Variants in DTNA observed in about 807,000 individuals in gnomAD.
The protein encoded by DTNA is dystrophin-related protein 3.
Under a neutral mutation model 100.7 loss-of-function variants are expected in DTNA, and 43 were observed. The observed-to-expected ratio is 0.43, with a 90% confidence interval of 0.33 to 0.55. The LOEUF is 0.55. Among genes scored for constraint, DTNA ranks in the 20% least tolerant of loss-of-function variants. The pLI is 0.04. For synonymous variants in DTNA, 349 were observed against 347.9 expected (o/e 1.00, Z -0.04); for missense variants, 798 against 953.9 (o/e 0.84, Z 2.15).
chr18:34,637,100 C>T (rs1361186888), intron 1 of DTNA, among the ~76,000 whole-genome samples: 1 of 152,100 alleles, frequency 6.6e-6, no homozygotes, highest in Non-Finnish European at 1.5e-5. Context: ...TTATATAATA[C>T]CTTGCTTGCG....
chr18:34,514,551 A>G (rs2041405650), intron 1 of DTNA, among the ~76,000 whole-genome samples: 2 of 152,146 alleles, frequency 1.3e-5, no homozygotes, highest in Non-Finnish European at 2.9e-5. Context: ...GAAATGGGGT[A>G]CTGAAGTGTG....
intron 1 of DTNA, among the ~76,000 whole-genome samples, chr18:34,702,512 T>C (rs1568259930): frequency 1.3e-5 from 2 of 152,332 alleles, no homozygotes; most frequent in East Asian, 1.9e-4. Flanking sequence ...GCGTTTCTTC[T>C]TGGGCCACCG....
intron 3 of DTNA, chr18:34,767,400 A>C (rs1181422774): frequency 6.6e-6 from 1 of 152,200 alleles, no homozygotes; most frequent in Non-Finnish European, 1.5e-5. Context: ...CCCCAGCCCC[A>C]GTGGATAAAA....
chr18:34,851,752 A>C, intron 14 of DTNA, 79 bp from the exon 15 acceptor site: 1 of 1,403,362 alleles, frequency 7.1e-7, no homozygotes. Context: ...CCTTGTCTGC[A>C]TATCTCATGA....
chr18:34,604,800 G>T (rs1386619524), intron 1 of DTNA, among the ~76,000 whole-genome samples: 2 of 152,074 alleles, frequency 1.3e-5, no homozygotes, highest in African/African-American at 2.4e-5. Context: ...ATTTTTCATT[G>T]CACAAGAGTA....
At chr18:34,533,612 T>A (rs954565662) in intron 1 of DTNA, among the ~76,000 whole-genome samples, 1 of 152,074 alleles carries the variant, frequency 6.6e-6, no homozygotes, top group African/African-American at 2.4e-5. Context: ...GAGTAACTTA[T>A]TTGCAGCGCA....
chr18:34,885,934 C>T lies in DTNA; in HGVS notation c.*31+1158C>T, dbSNP rs1041033948. 5.3e-5 allele frequency among the ~76,000 whole-genome samples: 8 copies of T among 152,134 alleles called. No individual in the cohort carries two copies. The East Asian group carries it at 7.7e-4, about 15-fold the overall frequency. On this transcript the variant is annotated intron_variant, in intron 22 of 22. Coordinates refer to ENST00000444659, the MANE Select transcript of DTNA (RefSeq NM_001386795.1). Reference sequence around the variant, plus strand: ...TGGCACACTGTGGGCCACACTGTTCCGTAAGTCTAGATTTTTTCTCTGGCT... The same window carrying T: ...TGGCACACTGTGGGCCACACTGTTCTGTAAGTCTAGATTTTTTCTCTGGCT...
intron 2 of DTNA, among the ~76,000 whole-genome samples, chr18:34,765,045 T>C (rs2093397488): frequency 6.6e-6 from 1 of 152,180 alleles, no homozygotes; most frequent in East Asian, 1.9e-4. Flanking sequence ...GAGATGAGAC[T>C]GACCAAGGCT....
intron 1 of DTNA, among the ~76,000 whole-genome samples, chr18:34,753,093 T>C (rs1309735672): frequency 6.6e-6 from 1 of 152,202 alleles, no homozygotes; most frequent in African/African-American, 2.4e-5. Context: ...CATTCATTTA[T>C]TCAATAAATA....
chr18:34,522,765 CACAG>C (rs897276199), intron 1 of DTNA, among the ~76,000 whole-genome samples: 2 of 152,190 alleles, frequency 1.3e-5, no homozygotes, highest in African/African-American at 2.4e-5. Context: ...TATACCCACA[CACAG>C]ACCCCTAAGA....
At chr18:34,534,606 A>G (rs550775795) in intron 1 of DTNA, among the ~76,000 whole-genome samples, 1 of 151,882 alleles carries the variant, frequency 6.6e-6, no homozygotes, top group Non-Finnish European at 1.5e-5. Flanking sequence ...TAAGCCCCAT[A>G]TGCATTTGGT....
At chr18:34,835,206 CA>C (rs1360621317) in intron 11 of DTNA, among the ~76,000 whole-genome samples, 1 of 152,096 alleles carries the variant, frequency 6.6e-6, no homozygotes, top group Non-Finnish European at 1.5e-5. Flanking sequence ...CAGTGAGTAT[CA>C]AAAAGTTAGA....
chr18:34,879,835 A>G lies in DTNA; in HGVS notation c.2162+116A>G, dbSNP rs150656327. 5,545 of 1,323,406 alleles carry G rather than the reference A, an allele frequency of 4.2e-3. 53 individuals carry two copies. Among genetic ancestry groups the G allele is most frequent in the South Asian group, 0.019 (1,502 of 77,510 alleles). 82.0% of individuals were successfully genotyped at this position (1,323,406 alleles called of 1,614,324 possible). A position where few individuals can be genotyped will look rare whatever the true frequency, so the allele number is the denominator to read the frequency against. ...TTTTAACCTTCAGAAGGGGTGACAT[A>G]GTTTTCTGTTCTGCCAGAGATATAG... On this transcript the variant is annotated intron_variant, in intron 20 of 22. Coordinates refer to ENST00000444659, the MANE Select transcript of DTNA (RefSeq NM_001386795.1).
In DTNA at chr18:34,717,368, C is replaced by G. The variant is rs530477597; in HGVS notation, c.-2+6923C>G. Among the ~76,000 whole-genome samples the G allele has an allele frequency of 7.2e-5, 11 of 152,234 alleles. No individual in the cohort carries two copies. The East Asian group carries it at 1.9e-3, about 27-fold the overall frequency. ...AATATCGGAGGTTAATTTCAAGCAC[C>G]TCTGCTAAATTCGGATGATATAGAT... On this transcript the variant is annotated intron_variant, in intron 1 of 22. Coordinates refer to ENST00000444659, the MANE Select transcript of DTNA (RefSeq NM_001386795.1).
chr18:34,496,205 AACACACACACACACAC>A (rs367764683), intron 1 of DTNA, among the ~76,000 whole-genome samples: 111 of 138,594 alleles, frequency 8.0e-4, no homozygotes, highest in African/African-American at 2.9e-3. Flanking sequence ...CCCTCCCTGC[AACACACACACACACAC>A]ACACACACAC....
intron 1 of DTNA, among the ~76,000 whole-genome samples, chr18:34,516,746 T>C (rs1050896472): frequency 6.6e-6 from 1 of 152,134 alleles, no homozygotes; most frequent in Non-Finnish European, 1.5e-5. Flanking sequence ...AATAGTTATC[T>C]CCCTTGTTCC....
rs892726278 is a variant in DTNA at position 34,674,828 on chromosome 18, T to C, written c.-1-81148T>C. On this transcript the variant is annotated intron_variant, in intron 1 of 19. Transcript: ENST00000283365. ...CTGCCCAGAGTTGCACGTATTCTTA[T>C]AAAGGGATAAGAAAATTCATGGTAA... Among the ~76,000 whole-genome samples the C allele has an allele frequency of 8.5e-5, 13 of 152,120 alleles. No individual in the cohort carries two copies. The East Asian group carries it at 1.9e-3, about 23-fold the overall frequency.
intron 14 of DTNA, among the ~76,000 whole-genome samples, chr18:34,849,758 A>C (rs1443364491): frequency 2.0e-5 from 3 of 152,230 alleles, no homozygotes; most frequent in African/African-American, 7.2e-5. Flanking sequence ...GATCAGATGC[A>C]TGTTCCTTCT....
intron 4 of DTNA, among the ~76,000 whole-genome samples, chr18:34,799,120 A>G (rs1260689231): frequency 6.6e-6 from 1 of 152,190 alleles, no homozygotes; most frequent in Non-Finnish European, 1.5e-5. Flanking sequence ...TTTGGACTTA[A>G]CATGTTTTAC....
Sources: gnomAD v4.1 joint callset for allele counts (sites outside exome capture counted in the v4.1 genomes callset) on GRCh38, gnomAD v4.1.1 for gene constraint, MANE v1.5 for transcripts, NCBI Gene and HGNC (gene_info 2026-07-23, HGNC 2026-07-21) for gene names.